FOXN3: variants seen among roughly 807,000 people sequenced by gnomAD.
FOXN3 encodes forkhead box N3.
In FOXN3, 7 loss-of-function variants were observed where a neutral mutation model predicts 38.4. The ratio of observed to expected loss-of-function variants is 0.18; its 90% CI spans 0.10 to 0.34. The LOEUF is 0.34. Ranked by LOEUF, FOXN3 falls within the 10% of genes least tolerant of loss-of-function variation. The pLI is 1.00. For synonymous variants in FOXN3, 230 were observed against 242.2 expected, an observed-to-expected ratio of 0.95 and a Z score of 0.47; for missense variants, 456 against 613.4, an observed-to-expected ratio of 0.74 and a Z score of 2.71.
chr14:89,204,102 C>CAA (rs1555410152), intron 4 of FOXN3, among the ~76,000 whole-genome samples: 12 of 135,592 alleles, frequency 8.9e-5, no homozygotes, highest in African/African-American at 3.5e-4. Context: ...CACACACACA[C>CAA]AACTACTACT....
intron 5 of FOXN3, among the ~76,000 whole-genome samples, chr14:89,179,469 C>T (rs1440467425): frequency 1.3e-5 from 2 of 152,166 alleles, no homozygotes; most frequent in East Asian, 3.9e-4. Context: ...CAGGTGCAAA[C>T]TTGATCCGTA....
intron 1 of FOXN3, among the ~76,000 whole-genome samples, chr14:89,584,820 C>T (rs1895812164): frequency 6.6e-6 from 1 of 152,090 alleles, no homozygotes; most frequent in Non-Finnish European, 1.5e-5. Flanking sequence ...TCAAACAATT[C>T]TTCCACCTCA....
chr14:89,357,108 T>C (rs1442572186), intron 2 of FOXN3, among the ~76,000 whole-genome samples: 8 of 152,046 alleles, frequency 5.3e-5, no homozygotes, highest in Non-Finnish European at 1.0e-4. Flanking sequence ...CCCAGCACTT[T>C]AGGAGGCCAA....
intron 1 of FOXN3, among the ~76,000 whole-genome samples, chr14:89,572,851 G>A (rs1359262199): frequency 2.0e-5 from 3 of 152,174 alleles, no homozygotes; most frequent in Non-Finnish European, 4.4e-5. Context: ...AAAAAGCCTC[G>A]GGGCCCCAGC....
intron 1 of FOXN3, among the ~76,000 whole-genome samples, chr14:89,592,811 T>C (rs1895985569): frequency 2.6e-5 from 4 of 152,018 alleles, no homozygotes; most frequent in African/African-American, 9.7e-5. Flanking sequence ...GAGAACAATA[T>C]AGGAGACAGG....
At chr14:89,507,664 C>T (rs892582909) in intron 1 of FOXN3, among the ~76,000 whole-genome samples, 1 of 152,056 alleles carries the variant, frequency 6.6e-6, no homozygotes, top group African/African-American at 2.4e-5. Context: ...AAGGTCAATG[C>T]CCAGTTTATT....
chr14:89,568,916 C>T (rs762461697), intron 1 of FOXN3, among the ~76,000 whole-genome samples: 12 of 151,958 alleles, frequency 7.9e-5, no homozygotes, highest in Admixed American at 1.3e-4. Flanking sequence ...GTTTAAAAGG[C>T]GCCATTGGCC....
At chr14:89,572,861 C>G (rs927213061) in intron 1 of FOXN3, among the ~76,000 whole-genome samples, 1 of 152,256 alleles carries the variant, frequency 6.6e-6, no homozygotes, top group African/African-American at 2.4e-5. Context: ...GGGGCCCCAG[C>G]TTGGCCTTCC....
At chr14:89,209,438 G>A (rs1888465403) in intron 4 of FOXN3, among the ~76,000 whole-genome samples, 1 of 152,222 alleles carries the variant, frequency 6.6e-6, no homozygotes, top group Non-Finnish European at 1.5e-5. Flanking sequence ...GCTGAAAGGA[G>A]GAACAGAAAA....
At chr14:89,176,000 A>C (rs1887510033) in intron 5 of FOXN3, among the ~76,000 whole-genome samples, 1 of 152,124 alleles carries the variant, frequency 6.6e-6, no homozygotes, top group Admixed American at 6.5e-5. Flanking sequence ...CAATCTCTGC[A>C]AGGGATTTTC....
chr14:89,290,785 C>T, intron 3 of FOXN3: 1 of 276,182 alleles, frequency 3.6e-6, no homozygotes, highest in African/African-American at 2.3e-5. Context: ...CAGTGATGTG[C>T]CAGAGCCCTG....
At chr14:89,413,470 T>G (rs1303725715) in intron 1 of FOXN3, among the ~76,000 whole-genome samples, 1 of 151,554 alleles carries the variant, frequency 6.6e-6, no homozygotes, top group Non-Finnish European at 1.5e-5. Flanking sequence ...CCCATCTCTA[T>G]GAAAAATACA....
At chr14:89,424,606 G>A (rs536305085) in intron 1 of FOXN3, among the ~76,000 whole-genome samples, 59 of 151,990 alleles carry the variant, frequency 3.9e-4, no homozygotes, top group Middle Eastern at 6.8e-3. Context: ...AGGCAGGTGC[G>A]GTGGCTCACA....
intron 1 of FOXN3, among the ~76,000 whole-genome samples, chr14:89,524,129 C>A (rs1288347152): frequency 1.4e-5 from 2 of 145,912 alleles, no homozygotes; most frequent in African/African-American, 5.0e-5. Context: ...AATCCCAGCA[C>A]TTTGGGAGGC....
intron 4 of FOXN3, among the ~76,000 whole-genome samples, chr14:89,211,502 T>C (rs1182203710): frequency 6.6e-6 from 1 of 152,178 alleles, no homozygotes; most frequent in East Asian, 1.9e-4. Flanking sequence ...AAGAGTCGCT[T>C]ATACTGAAGA....
intron 3 of FOXN3, among the ~76,000 whole-genome samples, chr14:89,309,199 G>A (rs186279002): frequency 3.3e-5 from 5 of 152,228 alleles, no homozygotes; most frequent in South Asian, 2.1e-4. Context: ...CCTCTCCTCC[G>A]TTAAGTGTGA....
chr14:89,281,059 T>G, intron 3 of FOXN3, 45 bp from the exon 4 acceptor site: 1 of 1,531,202 alleles, frequency 6.5e-7, no homozygotes, highest in Non-Finnish European at 9.0e-7. Flanking sequence ...TCATCTGCAC[T>G]CACACACCTG....
At chr14:89,552,921 T>G (rs1895036052) in intron 1 of FOXN3, among the ~76,000 whole-genome samples, 1 of 152,100 alleles carries the variant, frequency 6.6e-6, no homozygotes, top group Non-Finnish European at 1.5e-5. Flanking sequence ...TGAGTCAACA[T>G]GAAGGGACTC....
At chr14:89,186,231 C>T (rs1566923972) in intron 4 of FOXN3, among the ~76,000 whole-genome samples, 4 of 152,142 alleles carry the variant, frequency 2.6e-5, no homozygotes, top group Admixed American at 2.6e-4. Context: ...AGTTGTCTTC[C>T]CTCTGCTGTG....
Sources: gnomAD v4.1 joint callset for allele counts (sites outside exome capture counted in the v4.1 genomes callset) on GRCh38, gnomAD v4.1.1 for gene constraint, MANE v1.5 for transcripts, NCBI Gene and HGNC (gene_info 2026-07-23, HGNC 2026-07-21) for gene names.